Variants in KATNAL2 observed in about 807,000 individuals in gnomAD.
The protein encoded by KATNAL2 is katanin catalytic subunit A1 like 2.
In KATNAL2, 52 loss-of-function variants were observed where a neutral mutation model predicts 76.3. The observed-to-expected ratio is 0.68, with a 90% CI of 0.55 to 0.86. The LOEUF (loss-of-function observed/expected upper bound fraction) is 0.86, where lower values mean the gene tolerates loss of function less well. Among genes scored for constraint, KATNAL2 ranks in the 40% least tolerant of loss-of-function variants. KATNAL2 has a pLI of 0.00. For synonymous variants in KATNAL2, 243 were observed against 244.2 expected, an observed-to-expected ratio of 1.00 and a Z score of 0.05; for missense variants, 660 against 668.9, an observed-to-expected ratio of 0.99 and a Z score of 0.15.
intron 16 of KATNAL2, among the ~76,000 whole-genome samples, chr18:47,099,846 A>T (rs2063395656): frequency 6.6e-6 from 1 of 152,204 alleles, no homozygotes; most frequent in Non-Finnish European, 1.5e-5. Context: ...TGTTGCAGAA[A>T]TGTTGCCTGC....
At chr18:46,952,002 G>A (rs1001258584) in intron 3 of KATNAL2, among the ~76,000 whole-genome samples, 4 of 152,016 alleles carry the variant, frequency 2.6e-5, no homozygotes, top group Admixed American at 6.6e-5. Flanking sequence ...CAACCTCCTG[G>A]CCTCAAGTGC....
intron 1 of KATNAL2, among the ~76,000 whole-genome samples, chr18:46,923,054 AT>A (rs917403252): frequency 8.2e-4 from 120 of 145,490 alleles, no homozygotes; most frequent in African/African-American, 2.7e-3. Context: ...ATCTCAACTT[AT>A]TTTTTTTTTA....
At position 47,075,327 on chromosome 18, in the gene KATNAL2, C is replaced by G; in HGVS notation, c.1059C>G (p.Asp353Glu). The G allele has an allele frequency of 1.3e-6, 2 of 1,557,862 alleles. No homozygotes were observed. Among genetic ancestry groups the G allele is most frequent in the Non-Finnish European group, 1.7e-6 (2 of 1,156,866 alleles). ...ACGCCCCATCCACGATCTTCCTGGA[C>G]GAGCTGGAGTCGGTGATGAGTCAGA... ...RYHAPSTIFL[D>E]ELESVMSQRG... Residue 353 changes from aspartate to glutamate, a missense_variant, in exon 14 of 18, where the codon GAC becomes GAG. Asp to Glu is a conservative substitution (Grantham distance 45). Transcript: ENST00000683218.
chr18:46,922,568 T>C (rs1210585859), intron 1 of KATNAL2, among the ~76,000 whole-genome samples: 1 of 151,742 alleles, frequency 6.6e-6, no homozygotes, highest in Non-Finnish European at 1.5e-5. Context: ...CTGAGGTGGG[T>C]GGATCGCCTG....
At position 46,946,832 on chromosome 18, in the gene KATNAL2, A is replaced by G; in HGVS notation, c.-19-22A>G. ...GATCGACCGGTCAGCCCAGTAACTG[A>G]CTACTTTTCTCCCTTCTCTAGGGTC... On this transcript the variant is annotated intron_variant, in intron 2 of 17. Coordinates refer to ENST00000683218, the MANE Select transcript of KATNAL2 (RefSeq NM_001387690.1). The G allele has an allele frequency of 2.0e-6, 3 of 1,530,528 alleles. No homozygotes were observed. The South Asian group carries it at 3.6e-5, about 18-fold the overall frequency. 94.8% of individuals were successfully genotyped at this position (1,530,528 alleles called of 1,614,324 possible).
At chr18:47,056,538 C>T (rs780215934) in intron 6 of KATNAL2, among the ~76,000 whole-genome samples, 3 of 152,130 alleles carry the variant, frequency 2.0e-5, no homozygotes, top group Non-Finnish European at 4.4e-5. Context: ...GCGATTGGGC[C>T]TTTTCTGCCA....
At chr18:47,092,955 T>C (rs112358684) in intron 15 of KATNAL2, among the ~76,000 whole-genome samples, 6 of 152,260 alleles carry the variant, frequency 3.9e-5, no homozygotes, top group Non-Finnish European at 7.3e-5. Flanking sequence ...CATCAAGAGA[T>C]AGATTTCTAT....
chr18:47,049,081 C>A (rs1375158833), intron 4 of KATNAL2, among the ~76,000 whole-genome samples: 1 of 152,088 alleles, frequency 6.6e-6, no homozygotes, highest in Non-Finnish European at 1.5e-5. Context: ...CCTCGGCCTC[C>A]CAAAGTGCTG....
chr18:46,931,841 T>C (rs2058932980), intron 1 of KATNAL2, among the ~76,000 whole-genome samples: 1 of 151,900 alleles, frequency 6.6e-6, no homozygotes, highest in South Asian at 2.1e-4. Context: ...ACAGTTAAAG[T>C]GTTGCTCTTT....
intron 1 of KATNAL2, chr18:46,920,073 G>A (rs780028343): frequency 1.6e-6 from 2 of 1,289,722 alleles, no homozygotes; most frequent in South Asian, 2.5e-5. Context: ...AGTGTTCTTT[G>A]TAGTTGCTTC....
At chr18:47,077,120 CT>C (rs2062272717) in intron 14 of KATNAL2, among the ~76,000 whole-genome samples, 1 of 152,142 alleles carries the variant, frequency 6.6e-6, no homozygotes, top group South Asian at 2.1e-4. Context: ...CACTGCCTGC[CT>C]TTGGTTTTCT....
At chr18:47,035,283 G>T in intron 3 of KATNAL2, 1 of 1,612,304 alleles carries the variant, frequency 6.2e-7, no homozygotes, top group Non-Finnish European at 8.5e-7. Flanking sequence ...AGCTGTGCAG[G>T]CGTCGCTGTC....
chr18:47,034,847 G>C, intron 3 of KATNAL2: 2 of 1,612,154 alleles, frequency 1.2e-6, no homozygotes, highest in South Asian at 1.1e-5. Flanking sequence ...TGAGGTCTCT[G>C]TTGCCCCGGA....
At chr18:47,076,797 TTATA>T (rs35925389) in intron 14 of KATNAL2, among the ~76,000 whole-genome samples, 27 of 145,364 alleles carry the variant, frequency 1.9e-4, no homozygotes, top group South Asian at 8.7e-4. Flanking sequence ...AATAAATAAA[TTATA>T]TATATATATA....
intron 1 of KATNAL2, among the ~76,000 whole-genome samples, chr18:46,926,914 CTT>C (rs2058745291): frequency 6.6e-6 from 1 of 152,066 alleles, no homozygotes; most frequent in African/African-American, 2.4e-5. Flanking sequence ...CAACCCCTGT[CTT>C]TTTCTGTTTT....
At chr18:46,931,426 T>C (rs1181049678) in intron 1 of KATNAL2, among the ~76,000 whole-genome samples, 1 of 151,700 alleles carries the variant, frequency 6.6e-6, no homozygotes, top group Admixed American at 6.6e-5. Flanking sequence ...CAGAGGTGGG[T>C]GGATCACCTG....
At position 47,099,363 on chromosome 18, in the gene KATNAL2, C is replaced by T. The variant is rs2063377165; in HGVS notation, c.1332C>T (p.Ala444=). The change falls in exon 16 of 18, where the codon GCC becomes GCT. Residue 444 remains alanine (A), a synonymous_variant. Coordinates refer to ENST00000683218, the MANE Select transcript of KATNAL2 (RefSeq NM_001387690.1). ...TGCCTCCTGTGAGCAAGAGCAGGGC[C>T]TTGGAGCTGCACACAGAGCTGGAGT... ...HWLPPVSKSR[A]LELHTELEYS... The T allele has an allele frequency of 6.2e-7, 1 of 1,613,868 alleles. No individual in the cohort carries two copies. The highest frequency in any genetic ancestry group is 1.3e-5 in the African/African-American group (1 of 74,918).
intron 15 of KATNAL2, among the ~76,000 whole-genome samples, chr18:47,087,505 T>C (rs1047779206): frequency 2.0e-5 from 3 of 151,802 alleles, no homozygotes; most frequent in African/African-American, 7.3e-5. Flanking sequence ...AATGAACTCA[T>C]GGACATAAGG....
chr18:46,957,605 C>G (rs951978756), intron 3 of KATNAL2, among the ~76,000 whole-genome samples: 6 of 128,966 alleles, frequency 4.7e-5, no homozygotes, highest in African/African-American at 5.9e-5. Flanking sequence ...TCTTGTTGCC[C>G]AGGCTGGAGT....
Sources: allele counts gnomAD v4.1 joint callset (sites outside exome capture counted in the v4.1 genomes callset), GRCh38; gene constraint gnomAD v4.1.1; transcripts MANE v1.5; gene names NCBI Gene and HGNC (gene_info 2026-07-23, HGNC 2026-07-21).